The following ANO1 variants were observed in gnomAD, a reference collection of about 807,000 sequenced individuals.
ANO1 encodes anoctamin-1.
ANO1 carries 59 observed loss-of-function variants against 124.0 expected under a neutral mutation model. That is an observed-to-expected ratio of 0.48 (90% confidence interval 0.39 to 0.59). The LOEUF (loss-of-function observed/expected upper bound fraction) is 0.59, where lower values mean the gene tolerates loss of function less well. Ranked by LOEUF, ANO1 falls within the 20% of genes least tolerant of loss-of-function variation. The pLI is 0.00. For missense variants in ANO1, 1,059 were observed against 1,328.0 expected, an observed-to-expected ratio of 0.80 and a Z score of 3.15; for synonymous variants, 529 against 532.0, an observed-to-expected ratio of 0.99 and a Z score of 0.08.
intron 25 of ANO1, among the ~76,000 whole-genome samples, chr11:70,186,499 TCAGATGACCCCAGCTG>T (rs925066976): frequency 1.3e-5 from 2 of 151,992 alleles, no homozygotes; most frequent in African/African-American, 4.8e-5. Context: ...CAGTGGGCTG[TCAGATGACCCCAGCTG>T]CAGCCAGCAG....
At chr11:70,062,444 C>T (rs1857609222) in intron 1 of ANO1, among the ~76,000 whole-genome samples, 1 of 152,120 alleles carries the variant, frequency 6.6e-6, no homozygotes, top group Non-Finnish European at 1.5e-5. Context: ...AGGACAAGAA[C>T]CATTTGCTGT....
the ANO1 span, among the ~76,000 whole-genome samples, chr11:69,971,946 C>T: frequency 6.6e-6 from 1 of 152,076 alleles, no homozygotes; most frequent in Non-Finnish European, 1.5e-5. Context: ...CGAGGCTGGG[C>T]GCGGTGGCTC....
Position 70,149,257 on chromosome 11 carries a change from G to A in ANO1, c.1259-453G>A, listed in dbSNP as rs1035802782. On this transcript the variant is annotated intron_variant, in intron 11 of 25. Transcript: ENST00000355303. The stretch of plus-strand genomic sequence containing the variant: ...CTCATCTGTAAAATGGGAGAATGAC[G>A]GCTCTTGCCTCACAGGATTGGCGGG... Among the ~76,000 whole-genome samples, 4 of 152,214 alleles carry A rather than the reference G, an allele frequency of 2.6e-5. 1 individual carries two copies. The South Asian group carries it at 8.3e-4, about 31-fold the overall frequency.
intron 1 of ANO1, among the ~76,000 whole-genome samples, chr11:70,062,323 C>T (rs1037686439): frequency 1.6e-4 from 24 of 152,198 alleles, no homozygotes; most frequent in African/African-American, 4.8e-4. Context: ...GTGATCCATC[C>T]GCTTCGGCCT....
chr11:70,058,440 A>G (rs1421833331), intron 1 of ANO1, among the ~76,000 whole-genome samples: 3 of 152,246 alleles, frequency 2.0e-5, no homozygotes, highest in Non-Finnish European at 4.4e-5. Flanking sequence ...CCGCAGCTAA[A>G]GAGTCAACCT....
intron 11 of ANO1, among the ~76,000 whole-genome samples, chr11:70,148,276 C>A (rs562576188): frequency 2.0e-5 from 3 of 152,216 alleles, no homozygotes; most frequent in Admixed American, 6.5e-5. Flanking sequence ...GTTTCCCCCT[C>A]TGTAAAATGG....
intron 2 of ANO1, among the ~76,000 whole-genome samples, chr11:70,097,019 C>A (rs1374019011): frequency 6.6e-6 from 1 of 152,182 alleles, no homozygotes; most frequent in Admixed American, 6.5e-5. Context: ...TTTCTTGTTT[C>A]TTTTCCTGTG....
chr11:70,128,498 G>A (rs1001256052), intron 10 of ANO1, among the ~76,000 whole-genome samples: 1 of 152,224 alleles, frequency 6.6e-6, no homozygotes, highest in Non-Finnish European at 1.5e-5. Context: ...CAGCCCAGGG[G>A]TTGGCCATGC....
At chr11:70,094,345 G>C (rs548207180) in intron 2 of ANO1, among the ~76,000 whole-genome samples, 374 of 152,328 alleles carry the variant, frequency 2.5e-3, no homozygotes, top group African/African-American at 8.7e-3. Flanking sequence ...TTGTGGATGT[G>C]GGCAGGTGTG....
intron 21 of ANO1, 130 bp from the exon 22 acceptor site, chr11:70,170,757 T>A (rs2048431478): frequency 1.8e-6 from 2 of 1,111,048 alleles, no homozygotes; most frequent in South Asian, 1.6e-5. Context: ...GCAGGTGGGG[T>A]CCATGCAGGT....
intron 6 of ANO1, chr11:70,111,113 A>G (rs1234677273): frequency 2.2e-6 from 1 of 456,682 alleles, no homozygotes; most frequent in Admixed American, 2.3e-5. Flanking sequence ...ACTAATAGCC[A>G]ATGTATAAAC....
At chr11:70,067,957 G>A (rs1254128704) in intron 1 of ANO1, among the ~76,000 whole-genome samples, 4 of 152,132 alleles carry the variant, frequency 2.6e-5, no homozygotes, top group Non-Finnish European at 4.4e-5. Context: ...TCACACCTGC[G>A]GGTCTGTGCC....
At chr11:70,174,584 T>C (rs1432729378) in intron 22 of ANO1, among the ~76,000 whole-genome samples, 1 of 151,950 alleles carries the variant, frequency 6.6e-6, no homozygotes, top group Non-Finnish European at 1.5e-5. Flanking sequence ...AACATGAACT[T>C]TCCTCAGAAC....
intron 1 of ANO1, among the ~76,000 whole-genome samples, chr11:70,012,194 C>T (rs190932337): frequency 1.1e-4 from 16 of 152,066 alleles, no homozygotes; most frequent in Non-Finnish European, 2.2e-4. Context: ...ATTGTTGTAT[C>T]TATCTATCCA....
At chr11:70,172,743 G>A (rs1461176640) in intron 22 of ANO1, among the ~76,000 whole-genome samples, 1 of 152,050 alleles carries the variant, frequency 6.6e-6, no homozygotes, top group Non-Finnish European at 1.5e-5. Context: ...GTGGGAGCCT[G>A]TAATCCCAGC....
At chr11:70,092,951 G>T (rs1385273015) in intron 2 of ANO1, among the ~76,000 whole-genome samples, 2 of 152,024 alleles carry the variant, frequency 1.3e-5, no homozygotes, top group Non-Finnish European at 2.9e-5. Context: ...GAAAGGGCAG[G>T]AAAAGAGAAG....
chr11:70,156,116 T>G, intron 15 of ANO1, 128 bp downstream of exon 15: 1 of 1,011,850 alleles, frequency 9.9e-7, no homozygotes. Context: ...TTCTCTGTCT[T>G]CCTTCGGCAC....
chr11:70,123,656 A>C (rs2046382281), intron 8 of ANO1, among the ~76,000 whole-genome samples: 1 of 152,168 alleles, frequency 6.6e-6, no homozygotes, highest in Non-Finnish European at 1.5e-5. Flanking sequence ...CCCTCAAGGT[A>C]CCTGAATCCT....
chr11:69,974,996 G>C, the ANO1 span, among the ~76,000 whole-genome samples: 3 of 152,212 alleles, frequency 2.0e-5, no homozygotes, highest in Non-Finnish European at 4.4e-5. Flanking sequence ...ACTGCCCTGA[G>C]AGGCAGCTAC....
Sources: gnomAD v4.1 joint callset for allele counts (sites outside exome capture counted in the v4.1 genomes callset) on GRCh38, gnomAD v4.1.1 for gene constraint, MANE v1.5 for transcripts, NCBI Gene and HGNC (gene_info 2026-07-23, HGNC 2026-07-21) for gene names.